Variants in CDH8 observed in about 807,000 individuals in gnomAD.
CDH8 encodes cadherin 8, also known as cadherin-8.
CDH8 carries 17 observed loss-of-function variants against 68.1 expected under a neutral mutation model. The ratio of observed to expected loss-of-function variants is 0.25; its 90% confidence interval spans 0.17 to 0.37. CDH8 has a LOEUF of 0.37. Ranked by LOEUF, CDH8 falls within the 10% of genes least tolerant of loss-of-function variation. The pLI is 1.00. For missense variants in CDH8, 763 were observed against 999.3 expected (o/e 0.76, Z 3.19); for synonymous variants, 372 against 365.1 (o/e 1.02, Z -0.21).
At chr16:61,764,918 T>C (rs1960550402) in intron 8 of CDH8, among the ~76,000 whole-genome samples, 2 of 152,030 alleles carry the variant, frequency 1.3e-5, no homozygotes, top group Admixed American at 1.3e-4. Flanking sequence ...CTTAGGAAAA[T>C]GATTTTCTAT....
At chr16:61,907,571 C>A (rs1284109737) in intron 2 of CDH8, among the ~76,000 whole-genome samples, 1 of 151,164 alleles carries the variant, frequency 6.6e-6, no homozygotes, top group Non-Finnish European at 1.5e-5. Context: ...TCCCAGCTAC[C>A]CAGGAGGCCA....
intron 2 of CDH8, among the ~76,000 whole-genome samples, chr16:61,907,646 T>C (rs528375876): frequency 3.5e-4 from 52 of 149,838 alleles, no homozygotes; most frequent in Non-Finnish European, 6.5e-4. Context: ...ACCACTGCAC[T>C]CCAACCTAGC....
intron 2 of CDH8, among the ~76,000 whole-genome samples, chr16:61,932,958 T>C (rs139370499): frequency 1.2e-4 from 19 of 152,266 alleles, no homozygotes; most frequent in Non-Finnish European, 7.4e-5. Context: ...CAGGAAGCCG[T>C]TGGACACACT....
chr16:61,864,057 T>C (rs537420354), intron 3 of CDH8, among the ~76,000 whole-genome samples: 205 of 152,262 alleles, frequency 1.3e-3, no homozygotes, highest in Non-Finnish European at 2.3e-3. Context: ...GACAACCTTT[T>C]TTGGGTTGTT....
At chr16:61,878,051 A>T (rs558458687) in intron 3 of CDH8, among the ~76,000 whole-genome samples, 8 of 152,324 alleles carry the variant, frequency 5.3e-5, no homozygotes, top group African/African-American at 1.9e-4. Flanking sequence ...CACAGAACTG[A>T]CCATCTAGAC....
intron 2 of CDH8, among the ~76,000 whole-genome samples, chr16:61,980,987 C>A (rs1418375106): frequency 6.6e-6 from 1 of 152,070 alleles, no homozygotes; most frequent in African/African-American, 2.4e-5. Flanking sequence ...TGGCTCAACT[C>A]ATCTATACAG....
intron 4 of CDH8, among the ~76,000 whole-genome samples, chr16:61,849,188 A>G (rs1421728898): frequency 6.6e-6 from 1 of 151,956 alleles, no homozygotes; most frequent in Non-Finnish European, 1.5e-5. Flanking sequence ...ATAGTATCAT[A>G]TGATATTATT....
chr16:61,981,942 T>G (rs1385870665), intron 2 of CDH8, among the ~76,000 whole-genome samples: 2 of 152,220 alleles, frequency 1.3e-5, no homozygotes, highest in Non-Finnish European at 2.9e-5. Context: ...CCTCACTTCA[T>G]TCTCTCCTTC....
At chr16:61,780,794 T>A (rs753908043) in intron 8 of CDH8, among the ~76,000 whole-genome samples, 20 of 152,360 alleles carry the variant, frequency 1.3e-4, no homozygotes, top group Non-Finnish European at 1.6e-4. Context: ...TCAATTTTTT[T>A]AATTTCTCTG....
chr16:61,925,570 A>C (rs1445248340), intron 2 of CDH8, among the ~76,000 whole-genome samples: 1 of 152,032 alleles, frequency 6.6e-6, no homozygotes, highest in Non-Finnish European at 1.5e-5. Context: ...TTTTATTTCT[A>C]TTTTTCTCCA....
chr16:61,716,664 AT>A (rs1964736666), intron 9 of CDH8, among the ~76,000 whole-genome samples: 1 of 151,730 alleles, frequency 6.6e-6, no homozygotes, highest in Non-Finnish European at 1.5e-5. Context: ...TCAGTGCATT[AT>A]ATGCTGGGGA....
At chr16:61,690,996 A>G (rs76024950) in intron 10 of CDH8, among the ~76,000 whole-genome samples, 1 of 152,122 alleles carries the variant, frequency 6.6e-6, no homozygotes, top group Non-Finnish European at 1.5e-5. Flanking sequence ...TCCTCACTTT[A>G]TAGTCTACTA....
At position 61,690,225 on chromosome 16, in the gene CDH8, G is replaced by A. The variant is rs1247373333; in HGVS notation, c.1654+23616C>T. On this transcript the variant is annotated intron_variant, in intron 10 of 11. Transcript: ENST00000577390. Reference sequence around the variant, plus strand: ...TGACTCTTGAGGGCATTGTTGAGAAGGAGGTCTAAAGATAGATTCTAAAGG... The same window carrying A: ...TGACTCTTGAGGGCATTGTTGAGAAAGAGGTCTAAAGATAGATTCTAAAGG... Among the ~76,000 whole-genome samples the A allele has an allele frequency of 3.3e-5, 5 of 152,054 alleles. No homozygotes were observed. In the East Asian group the frequency reaches 7.7e-4, roughly 23 times the overall value.
chr16:61,666,815 T>C (rs1486632723), intron 10 of CDH8, among the ~76,000 whole-genome samples: 1 of 152,006 alleles, frequency 6.6e-6, no homozygotes, highest in African/African-American at 2.4e-5. Flanking sequence ...GTCTGTTGTT[T>C]ATTTATAAAA....
chr16:62,005,642 A>G (rs1965962326), intron 2 of CDH8, among the ~76,000 whole-genome samples: 1 of 150,892 alleles, frequency 6.6e-6, no homozygotes, highest in Non-Finnish European at 1.5e-5. Flanking sequence ...AGGCTGAGGC[A>G]GGAGAATCAC....
chr16:61,826,381 T>C (rs577279223), intron 4 of CDH8, among the ~76,000 whole-genome samples: 3 of 151,904 alleles, frequency 2.0e-5, no homozygotes, highest in Non-Finnish European at 2.9e-5. Context: ...ATTGTATTTT[T>C]TTATTTCCTG....
intron 1 of CDH8, among the ~76,000 whole-genome samples, chr16:62,025,329 C>G (rs1049860172): frequency 6.6e-6 from 1 of 152,072 alleles, no homozygotes. Context: ...ATGGTCTCTA[C>G]AGAGTACATA....
intron 2 of CDH8, among the ~76,000 whole-genome samples, chr16:61,954,226 G>A (rs1018536356): frequency 1.3e-5 from 2 of 151,926 alleles, no homozygotes; most frequent in Non-Finnish European, 2.9e-5. Context: ...ATCCACCATG[G>A]AGAAAGGAGG....
chr16:61,844,646 T>A (rs1962766362), intron 4 of CDH8, among the ~76,000 whole-genome samples: 2 of 152,192 alleles, frequency 1.3e-5, no homozygotes, highest in Admixed American at 1.3e-4. Context: ...TAGAAAATGA[T>A]GTGATCTCAG....
Sources: allele counts gnomAD v4.1 joint callset (sites outside exome capture counted in the v4.1 genomes callset), GRCh38; gene constraint gnomAD v4.1.1; transcripts MANE v1.5; gene names NCBI Gene and HGNC (gene_info 2026-07-23, HGNC 2026-07-21).